Variants in EML1 observed in about 807,000 individuals in gnomAD.
EML1 encodes EMAP like 1, also known as echinoderm microtubule-associated protein-like 1.
EML1 carries 27 observed loss-of-function variants against 110.4 expected under a neutral mutation model. The ratio of observed to expected loss-of-function variants is 0.24; its 90% confidence interval spans 0.18 to 0.34. The LOEUF (loss-of-function observed/expected upper bound fraction) is 0.34, where lower values mean the gene tolerates loss of function less well. Among genes scored for constraint, EML1 ranks in the 10% least tolerant of loss-of-function variants. The pLI is 1.00. For missense variants in EML1, 741 were observed against 1,030.9 expected (o/e 0.72, Z 3.85); for synonymous variants, 344 against 385.8 (o/e 0.89, Z 1.27).
At chr14:99,772,921 TA>T (rs2057441690), upstream of EML1, 1 of 152,132 alleles carries the variant, frequency 6.6e-6, no homozygotes, top group African/African-American at 2.4e-5. Context: ...CTTGAATGAA[TA>T]AAATACAAGA....
chr14:99,931,667 G>T (rs1294510647), intron 17 of EML1, among the ~76,000 whole-genome samples: 1 of 152,152 alleles, frequency 6.6e-6, no homozygotes, highest in Admixed American at 6.5e-5. Flanking sequence ...AACAATTAGG[G>T]AAAGAAAAAG....
At chr14:99,864,236 T>C (rs997905077) in intron 2 of EML1, among the ~76,000 whole-genome samples, 5 of 152,256 alleles carry the variant, frequency 3.3e-5, no homozygotes, top group Non-Finnish European at 5.9e-5. Flanking sequence ...ATGTTCCTTA[T>C]ACAAGTCTTT....
intron 1 of EML1, among the ~76,000 whole-genome samples, chr14:99,755,688 C>G (rs914599606): frequency 2.0e-5 from 3 of 152,158 alleles, no homozygotes; most frequent in Non-Finnish European, 4.4e-5. Context: ...CTCTCTGGAT[C>G]CCCAAGTCTG....
intron 1 of EML1, among the ~76,000 whole-genome samples, chr14:99,807,006 A>G (rs2057988949): frequency 6.6e-6 from 1 of 152,042 alleles, no homozygotes; most frequent in African/African-American, 2.4e-5. Flanking sequence ...GTCTTGGAAT[A>G]TCTCTGAGTT....
At chr14:99,867,963 A>G (rs935983506) in intron 3 of EML1, among the ~76,000 whole-genome samples, 2 of 152,172 alleles carry the variant, frequency 1.3e-5, no homozygotes, top group African/African-American at 4.8e-5. Context: ...CCACTCAAAT[A>G]TGGCGTTTAT....
rs747494631 is a variant in EML1, at chr14:99,773,466, G to A, written c.-574G>A. The A allele has an allele frequency of 2.6e-5, 4 of 152,388 alleles. No homozygotes were observed. The East Asian group carries it at 5.8e-4, about 22-fold the overall frequency. The allele number at this position is 152,388 out of a possible 1,614,324, so 9.4% of individuals were successfully genotyped here. On this transcript the variant is annotated 5_prime_UTR_variant, in exon 1 of 23. Coordinates refer to the EML1 transcript ENST00000327921. ...TCTACCTGCCTTAGGCCCAGAGAGG[G>A]GTGGACGTTGCCCAGGACCATGCCG...
intron 3 of EML1, 147 bp from the exon 4 acceptor site, chr14:99,878,338 C>G: frequency 8.4e-7 from 1 of 1,188,858 alleles, no homozygotes; most frequent in Non-Finnish European, 1.2e-6. Flanking sequence ...ATGTGACACT[C>G]TGAAAAGCTT....
At chr14:99,838,293 G>A (rs1228747935) in intron 1 of EML1, among the ~76,000 whole-genome samples, 1 of 147,846 alleles carries the variant, frequency 6.8e-6, no homozygotes, top group Non-Finnish European at 1.5e-5. Flanking sequence ...GATAATAATA[G>A]CTTTTATTTT....
Position 99,939,155 on chromosome 14 carries a change from C to A in EML1, c.2192-42C>A, listed in dbSNP as rs1482802769. On this transcript the variant is annotated intron_variant, in intron 20 of 21. Coordinates refer to ENST00000262233, the MANE Select transcript of EML1 (RefSeq NM_004434.3). The surrounding 1 kb of genome is among the most constrained non-coding windows in gnomAD (Gnocchi z 4.2). ...CTTCCTGCGCCATGTGGCCCTGTGG[C>A]CCCTGGTGTTTCCAGCGCCCTGTTT... The A allele has an allele frequency of 6.2e-7, 1 of 1,608,866 alleles. No homozygotes were observed. Among genetic ancestry groups the A allele is most frequent in the Admixed American group, 1.7e-5 (1 of 59,396 alleles).
chr14:99,749,928 C>T lies in EML1; in HGVS notation c.28+12068C>T, dbSNP rs75645402. ...CCTTGGCTGCTCCCCGATGGGGTGA[C>T]ATCGTGCTCCTTGGACTTGCTGTGA... On this transcript the variant is annotated intron_variant, in intron 1 of 10. Coordinates refer to the EML1 transcript ENST00000554479. Among the ~76,000 whole-genome samples, 996 of 152,336 alleles carry T rather than the reference C, an allele frequency of 6.5e-3. 12 individuals carry two copies. The highest frequency in any genetic ancestry group is 0.023 in the African/African-American group (948 of 41,578).
rs778747462 is a variant in EML1 at position 99,941,071 on chromosome 14, G to A, written c.*959G>A. 30 of 152,262 alleles carry A rather than the reference G, an allele frequency of 2.0e-4. No homozygotes were observed. Among genetic ancestry groups the A allele is most frequent in the Middle Eastern group, 3.4e-3 (1 of 294 alleles). The allele number at this position is 152,262 out of a possible 1,614,324, so 9.4% of individuals were successfully genotyped here. ...CCATAAACCTGCAGAGAGAAGTCTCGAAAGGCTCCACCAGGTACCAAGGGC... is the reference window on the plus strand; with the variant it reads ...CCATAAACCTGCAGAGAGAAGTCTCAAAAGGCTCCACCAGGTACCAAGGGC... On this transcript the variant is annotated 3_prime_UTR_variant, in exon 22 of 22. Transcript: ENST00000262233.
At chr14:99,938,399 C>T (rs1234597271) in intron 20 of EML1, among the ~76,000 whole-genome samples, 1 of 152,240 alleles carries the variant, frequency 6.6e-6, no homozygotes, top group Admixed American at 6.5e-5. Context: ...TTACGTAAGA[C>T]TACAAGTCTT....
chr14:99,901,509 A>G (rs1478224911), intron 9 of EML1, among the ~76,000 whole-genome samples: 3 of 152,200 alleles, frequency 2.0e-5, no homozygotes, highest in Non-Finnish European at 2.9e-5. Flanking sequence ...GTAAAACACT[A>G]AAAGAATGTC....
chr14:99,842,000 A>G (rs563622899), intron 1 of EML1, among the ~76,000 whole-genome samples: 1 of 147,024 alleles, frequency 6.8e-6, no homozygotes, highest in Non-Finnish European at 1.5e-5. Flanking sequence ...TCCCTCTAAC[A>G]CTGTAAAGTG....
chr14:99,766,866 G>C (rs946236684), intron 1 of EML1, among the ~76,000 whole-genome samples: 3 of 152,028 alleles, frequency 2.0e-5, no homozygotes, highest in African/African-American at 7.2e-5. Flanking sequence ...GGAGAGAGAG[G>C]GTCGGCCGCT....
intron 1 of EML1, among the ~76,000 whole-genome samples, chr14:99,741,229 C>T (rs138774244): frequency 6.6e-6 from 1 of 152,306 alleles, no homozygotes; most frequent in East Asian, 1.9e-4. Flanking sequence ...AGTGTTCAGC[C>T]AGCAGAGTGA....
In EML1 at chr14:99,936,191, G is replaced by A. The variant is rs147052903; in HGVS notation, c.2008-56G>A. 7,215 of 1,612,710 alleles carry A rather than the reference G, an allele frequency of 4.5e-3. 35 individuals carry two copies. The highest frequency in any genetic ancestry group is 5.1e-3 in the Non-Finnish European group (6,068 of 1,178,714). ...CGTATAGTTTAACTACCGTGGAACA[G>A]TGTTGGCAGGGACTTCTAAGGCCAA... On this transcript the variant is annotated intron_variant, in intron 18 of 21. Transcript: ENST00000262233. This position sits in a 1 kb window ranked among gnomAD's most constrained non-coding sequence, Gnocchi z 5.5.
At chr14:99,898,397 A>G (rs2059706023) in intron 8 of EML1, 95 bp downstream of exon 8, 3 of 1,200,940 alleles carry the variant, frequency 2.5e-6, no homozygotes, top group Non-Finnish European at 3.4e-6. Context: ...CTGCTTAGAT[A>G]TAATTATGGT....
At chr14:99,854,566 T>C (rs1427064928) in intron 2 of EML1, among the ~76,000 whole-genome samples, 2 of 152,220 alleles carry the variant, frequency 1.3e-5, no homozygotes, top group African/African-American at 4.8e-5. Flanking sequence ...GATACTGCTC[T>C]GGGTCTTAGG....
Sources: allele counts gnomAD v4.1 joint callset (sites outside exome capture counted in the v4.1 genomes callset), GRCh38; gene constraint gnomAD v4.1.1; non-coding constraint Gnocchi (gnomAD v3.1); transcripts MANE v1.5; gene names NCBI Gene and HGNC (gene_info 2026-07-23, HGNC 2026-07-21).